DOCK10: variants seen among roughly 807,000 people sequenced by gnomAD.
DOCK10 encodes the protein dedicator of cytokinesis protein 10.
DOCK10 carries 145 observed loss-of-function variants against 280.1 expected under a neutral mutation model. The observed-to-expected ratio is 0.52, with a 90% CI of 0.45 to 0.59. The LOEUF (loss-of-function observed/expected upper bound fraction) is 0.59. DOCK10 is among the 20% of genes least tolerant of loss of function. DOCK10 has a pLI of 0.00. For missense variants in DOCK10, 2,368 were observed against 2,651.7 expected (o/e 0.89, Z 2.35); for synonymous variants, 915 against 942.2 (o/e 0.97, Z 0.53).
intron 2 of DOCK10, among the ~76,000 whole-genome samples, chr2:224,917,191 C>T (rs188369558): frequency 0.012 from 1,679 of 143,180 alleles, 15 homozygotes; most frequent in Non-Finnish European, 0.016. Context: ...CTGCAACCTC[C>T]GCCTCCCAGG....
chr2:224,973,553 C>A (rs1705219802), intron 1 of DOCK10, among the ~76,000 whole-genome samples: 1 of 152,058 alleles, frequency 6.6e-6, no homozygotes, highest in Non-Finnish European at 1.5e-5. Flanking sequence ...GAAACAGATT[C>A]TCCCCTAGCA....
At chr2:224,781,293 A>G (rs940691299) in intron 50 of DOCK10, among the ~76,000 whole-genome samples, 1 of 152,190 alleles carries the variant, frequency 6.6e-6, no homozygotes. Flanking sequence ...TGGTGATTGG[A>G]ACCTTTTTCT....
intron 1 of DOCK10, among the ~76,000 whole-genome samples, chr2:224,986,497 G>T (rs369659236): frequency 4.6e-5 from 7 of 152,176 alleles, no homozygotes; most frequent in East Asian, 3.9e-4. Flanking sequence ...GCGCCAATGT[G>T]ACTCTGTTTT....
At chr2:224,934,696 G>C (rs998547354) in intron 1 of DOCK10, among the ~76,000 whole-genome samples, 23 of 152,218 alleles carry the variant, frequency 1.5e-4, no homozygotes, top group Admixed American at 1.4e-3. Flanking sequence ...AGTGAAACTG[G>C]GGACTGAGCA....
intron 48 of DOCK10, among the ~76,000 whole-genome samples, chr2:224,788,188 G>A (rs1169611075): frequency 6.6e-6 from 1 of 152,076 alleles, no homozygotes; most frequent in Admixed American, 6.6e-5. Context: ...CACCCTGTAG[G>A]AACTCTGTCT....
At chr2:224,800,076 A>C (rs1056399546) in intron 41 of DOCK10, 75 bp downstream of exon 41, 2 of 831,992 alleles carry the variant, frequency 2.4e-6, no homozygotes, top group African/African-American at 3.5e-5. Flanking sequence ...AAAAAAAACC[A>C]TGTTTTTGAC....
chr2:224,919,602 T>C (rs1701574201), intron 2 of DOCK10, among the ~76,000 whole-genome samples: 1 of 150,192 alleles, frequency 6.7e-6, no homozygotes, highest in Non-Finnish European at 1.5e-5. Flanking sequence ...ATGAATGTGA[T>C]GTGTCAGTGT....
Position 224,786,150 on chromosome 2 carries a change from C to T in DOCK10, c.5655+872G>A, listed in dbSNP as rs1322938083. Among the ~76,000 whole-genome samples, 3 of 152,240 alleles carry T rather than the reference C, an allele frequency of 2.0e-5. No homozygotes were observed. Among genetic ancestry groups the T allele is most frequent in the Non-Finnish European group, 4.4e-5 (3 of 68,018 alleles). ...CCAGGAGGCGGAGGTTGCAGTGAGC[C>T]GAGATCACGCCACTGCACTGCACTC... On this transcript the variant is annotated intron_variant, in intron 50 of 55. Transcript: ENST00000258390. This position sits in a 1 kb window ranked among gnomAD's most constrained non-coding sequence, Gnocchi z 4.7.
At chr2:224,905,826 G>A (rs908721848) in intron 3 of DOCK10, among the ~76,000 whole-genome samples, 11 of 151,946 alleles carry the variant, frequency 7.2e-5, no homozygotes, top group African/African-American at 2.7e-4. Flanking sequence ...TTTACACAGG[G>A]TCCTCTTTGC....
chr2:224,834,038 G>T, intron 26 of DOCK10, 112 bp downstream of exon 26: 1 of 658,474 alleles, frequency 1.5e-6, no homozygotes, highest in Non-Finnish European at 2.7e-6. Flanking sequence ...ACCTTATGCT[G>T]GAAACTGCAA....
chr2:224,942,450 T>G (rs1703148934), intron 1 of DOCK10, among the ~76,000 whole-genome samples: 1 of 152,250 alleles, frequency 6.6e-6, no homozygotes, highest in Non-Finnish European at 1.5e-5. Flanking sequence ...GATTCAGCCT[T>G]GTTTCATTGT....
rs984378094 is a variant in DOCK10, at chr2:224,970,778, T to C, written c.124-39110A>G. 2.0e-5 allele frequency among the ~76,000 whole-genome samples: 3 copies of C among 152,250 alleles called. No homozygotes were observed. The highest frequency in any genetic ancestry group is 4.4e-5 in the Non-Finnish European group (3 of 68,040). ...AAAACTAGTTTGGAGCAAGAATCCC[T>C]ATGACAGAATTGGCTTTCATCTCCA... On this transcript the variant is annotated intron_variant, in intron 1 of 55. Transcript: ENST00000258390. This position sits in a 1 kb window ranked among gnomAD's most constrained non-coding sequence, Gnocchi z 4.6.
At chr2:224,941,873 G>A (rs1390954230) in intron 1 of DOCK10, among the ~76,000 whole-genome samples, 1 of 151,262 alleles carries the variant, frequency 6.6e-6, no homozygotes, top group Non-Finnish European at 1.5e-5. Flanking sequence ...TTATAGGAGG[G>A]AAAGAAAATG....
chr2:225,019,083 A>G (rs1310260348), intron 1 of DOCK10, among the ~76,000 whole-genome samples: 1 of 151,532 alleles, frequency 6.6e-6, no homozygotes, highest in Non-Finnish European at 1.5e-5. Context: ...CATTTTCTAA[A>G]CCTTTATTTT....
chr2:224,798,944 C>T (rs150620787), intron 41 of DOCK10, among the ~76,000 whole-genome samples: 38 of 152,230 alleles, frequency 2.5e-4, no homozygotes, highest in African/African-American at 8.4e-4. Context: ...CGGCTCAATC[C>T]GTAATGTACT....
intron 2 of DOCK10, among the ~76,000 whole-genome samples, chr2:224,920,542 G>A (rs1018082270): frequency 1.3e-5 from 2 of 151,754 alleles, no homozygotes; most frequent in Non-Finnish European, 2.9e-5. Context: ...GAATTTAAAT[G>A]ATCTGGGATG....
intron 3 of DOCK10, among the ~76,000 whole-genome samples, chr2:224,897,679 T>A (rs954063503): frequency 1.3e-5 from 2 of 152,218 alleles, no homozygotes; most frequent in African/African-American, 4.8e-5. Flanking sequence ...TTATTTCACT[T>A]AACATAATGA....
At chr2:224,836,057 CG>C (rs1318944011) in intron 25 of DOCK10, among the ~76,000 whole-genome samples, 1 of 152,148 alleles carries the variant, frequency 6.6e-6, no homozygotes, top group African/African-American at 2.4e-5. Context: ...GTCACAACAC[CG>C]GAGGGTTCTT....
At chr2:224,959,869 G>C (rs1362821447) in intron 1 of DOCK10, among the ~76,000 whole-genome samples, 2 of 152,154 alleles carry the variant, frequency 1.3e-5, no homozygotes, top group African/African-American at 2.4e-5. Flanking sequence ...AGTAGTCATT[G>C]CCAAGACTGA....
Sources: gnomAD v4.1 joint callset for allele counts (sites outside exome capture counted in the v4.1 genomes callset) on GRCh38, gnomAD v4.1.1 for gene constraint, Gnocchi (gnomAD v3.1) non-coding constraint, MANE v1.5 for transcripts, NCBI Gene and HGNC (gene_info 2026-07-23, HGNC 2026-07-21) for gene names.